Variants in COL11A2 observed in about 807,000 individuals in gnomAD.
COL11A2 encodes collagen alpha-2(XI) chain.
Under a neutral mutation model 273.4 loss-of-function variants are expected in COL11A2, and 116 were observed. That is an observed-to-expected ratio of 0.42 (90% CI 0.36 to 0.49). The LOEUF (loss-of-function observed/expected upper bound fraction) is 0.49, where lower values mean the gene tolerates loss of function less well. Among genes scored for constraint, COL11A2 ranks in the 20% least tolerant of loss-of-function variants. COL11A2 has a pLI of 0.00. For missense variants in COL11A2, 1,866 were observed against 2,309.0 expected, an observed-to-expected ratio of 0.81 and a Z score of 3.93; for synonymous variants, 782 against 864.2, an observed-to-expected ratio of 0.90 and a Z score of 1.67.
intron 12 of COL11A2, 119 bp downstream of exon 12, chr6:33,180,139 G>A (rs1771528373): frequency 1.8e-6 from 2 of 1,089,752 alleles, no homozygotes; most frequent in Non-Finnish European, 2.8e-6. Flanking sequence ...TTGGAGTGAT[G>A]ATCTTTGATG....
Position 33,163,837 on chromosome 6 carries a change from A to G in COL11A2, c.5071-19T>C, listed in dbSNP as rs1768687983. The G allele has an allele frequency of 6.2e-7, 1 of 1,612,700 alleles. No individual in the cohort carries two copies. Among genetic ancestry groups the G allele is most frequent in the Admixed American group, 1.7e-5 (1 of 59,978 alleles). Reference sequence around the variant, plus strand: ...GCTGTGTCTTCAGGGGGAGACAAGGAAGAAAGTGTGAGCAGGATGGAGGCA... The same window carrying G: ...GCTGTGTCTTCAGGGGGAGACAAGGGAGAAAGTGTGAGCAGGATGGAGGCA... On this transcript the variant is annotated intron_variant, in intron 65 of 65. Transcript: ENST00000341947. The surrounding 1 kb of genome is among the most constrained non-coding windows in gnomAD (Gnocchi z 4.1).
chr6:33,179,833 T>C lies in COL11A2; in HGVS notation c.1360-28A>G. On this transcript the variant is annotated intron_variant, in intron 12 of 65. Coordinates refer to ENST00000341947, the MANE Select transcript of COL11A2 (RefSeq NM_080680.3). The surrounding 1 kb of genome is among the most constrained non-coding windows in gnomAD (Gnocchi z 6.4). ...GAGGTCAAGGAGAGAAGGTCCAGGT[T>C]CTCTTCCAAGAAAGCCATGGGACCC... 6.2e-7 allele frequency: 1 copy of C among 1,600,628 alleles called. No individual in the cohort carries two copies.
At chr6:33,186,012 A>G (rs1267782496) in intron 5 of COL11A2, among the ~76,000 whole-genome samples, 1 of 151,896 alleles carries the variant, frequency 6.6e-6, no homozygotes, top group African/African-American at 2.4e-5. Flanking sequence ...AGACATGATT[A>G]AGAGATTGAC....
In COL11A2 at chr6:33,176,578, C is replaced by T. The variant is rs971407093; in HGVS notation, c.2116-92G>A. Reference sequence around the variant, plus strand: ...GGAAGAAATGGAAGTAACAACATTGCTGTCTGGGTAGGGTTACGGGGCACA... The same window carrying T: ...GGAAGAAATGGAAGTAACAACATTGTTGTCTGGGTAGGGTTACGGGGCACA... On this transcript the variant is annotated intron_variant, in intron 26 of 65. Transcript: ENST00000341947. The surrounding 1 kb of genome is among the most constrained non-coding windows in gnomAD (Gnocchi z 4.9). The T allele has an allele frequency of 2.8e-6, 4 of 1,417,952 alleles. No homozygotes were observed. Among genetic ancestry groups the T allele is most frequent in the Non-Finnish European group, 4.0e-6 (4 of 1,008,134 alleles). The allele number at this position is 1,417,952 out of a possible 1,614,324, so 87.8% of individuals were successfully genotyped here.
At chr6:33,184,966 G>T in intron 7 of COL11A2, 26 bp downstream of exon 7, 5 of 1,545,438 alleles carry the variant, frequency 3.2e-6, no homozygotes, top group Non-Finnish European at 4.4e-6. Flanking sequence ...GCCCCCAGAT[G>T]GGGTGAGGGT....
In COL11A2 at chr6:33,171,121, C is replaced by T. The variant is rs772318602; in HGVS notation, c.3359G>A (p.Gly1120Glu). ...GGTGGAGGGGTCACTCACCGCTGCTCCAGGCTGCCCCACAGGACCAATGGG... is the reference window on the plus strand; with the variant it reads ...GGTGGAGGGGTCACTCACCGCTGCTTCAGGCTGCCCCACAGGACCAATGGG... ...PGPIGPVGQP[G>E]AAGADGEPGA... The change falls in exon 45 of 66, where the codon GGA becomes GAA. Residue 1120 changes from glycine to glutamate, a missense_variant. Gly to Glu is a moderately conservative substitution (Grantham distance 98). Transcript: ENST00000341947. 6.3e-7 allele frequency: 1 copy of T among 1,584,248 alleles called. No individual in the cohort carries two copies. The highest frequency in any genetic ancestry group is 1.1e-5 in the South Asian group (1 of 88,406).
At position 33,192,424 on chromosome 6, in the gene COL11A2, G is replaced by A; in HGVS notation, c.-184C>T. 1 of 640,536 alleles carries A rather than the reference G, an allele frequency of 1.6e-6. No homozygotes were observed. The highest frequency in any genetic ancestry group is 2.7e-5 in the East Asian group (1 of 36,590). 39.7% of individuals were successfully genotyped at this position (640,536 alleles called of 1,614,324 possible). ...GCTCCATGCAGCAAGGCGCCGTCGG[G>A]GCTCCCGGCACTGCTCCCTCCTCGG... On this transcript the variant is annotated 5_prime_UTR_variant, in exon 1 of 66. Coordinates refer to ENST00000341947, the MANE Select transcript of COL11A2 (RefSeq NM_080680.3).
rs182657680 is a variant in COL11A2, at chr6:33,178,983, C to T, written c.1612-10G>A. ...CAGCACCTGCCCGGCCCTGGGAGAACAAGGGAAGTGTCAGAACAAGCAGGG... is the reference window on the plus strand; with the variant it reads ...CAGCACCTGCCCGGCCCTGGGAGAATAAGGGAAGTGTCAGAACAAGCAGGG... On this transcript the variant is annotated splice_polypyrimidine_tract_variant and intron_variant, in intron 16 of 65. Transcript: ENST00000341947. The surrounding 1 kb of genome is among the most constrained non-coding windows in gnomAD (Gnocchi z 4.6). 3 of 1,614,048 alleles carry T rather than the reference C, an allele frequency of 1.9e-6. No homozygotes were observed. In the South Asian group the frequency reaches 3.3e-5, roughly 18 times the overall value.
rs559544074 is a variant in COL11A2, at chr6:33,189,641, G to T, written c.83-172C>A. ...ACCTGAATGGATGGGAAATGCAAAGGTACCTGGAGGCAGGGCAGCATCAGC... is the reference window on the plus strand; with the variant it reads ...ACCTGAATGGATGGGAAATGCAAAGTTACCTGGAGGCAGGGCAGCATCAGC... On this transcript the variant is annotated intron_variant, in intron 1 of 65. Coordinates refer to ENST00000341947, the MANE Select transcript of COL11A2 (RefSeq NM_080680.3). This position sits in a 1 kb window ranked among gnomAD's most constrained non-coding sequence, Gnocchi z 5.6. Among the ~76,000 whole-genome samples the T allele has an allele frequency of 2.0e-5, 3 of 152,288 alleles. No homozygotes were observed. Among genetic ancestry groups the T allele is most frequent in the Admixed American group, 2.0e-4 (3 of 15,302 alleles).
Position 33,175,753 on chromosome 6 carries a change from AAC to A in COL11A2, c.2269-74_2269-73del. The A allele has an allele frequency of 2.1e-6, 3 of 1,437,926 alleles. No individual in the cohort carries two copies. In the South Asian group the frequency reaches 3.4e-5, roughly 16 times the overall value. The allele number at this position is 1,437,926 out of a possible 1,614,324, so 89.1% of individuals were successfully genotyped here. A position where few individuals can be genotyped will look rare whatever the true frequency, so the allele number is the denominator to read the frequency against. On this transcript the variant is annotated intron_variant, in intron 29 of 65. Coordinates refer to ENST00000341947, the MANE Select transcript of COL11A2 (RefSeq NM_080680.3). ...CTCTGGGCCCAGAGGAGAAATGGGC[AAC>A]AGTGAGGCTGAGGAGGGCTAGAGGG...
rs1348806807 is a variant in COL11A2, at chr6:33,181,015, C to T, written c.1180-10G>A. ...CCTCCACGAGCATACCCTGTGGAGT[C>T]AAAGGTTAAAAATCAGAGGCGACAG... is the stretch of plus-strand genomic sequence containing the variant. On this transcript the variant is annotated splice_polypyrimidine_tract_variant and intron_variant, in intron 9 of 65. Coordinates refer to ENST00000341947, the MANE Select transcript of COL11A2 (RefSeq NM_080680.3). The T allele has an allele frequency of 6.2e-7, 1 of 1,614,184 alleles. No homozygotes were observed. The highest frequency in any genetic ancestry group is 1.1e-5 in the South Asian group (1 of 91,086).
chr6:33,175,213 C>T (rs2744511), intron 30 of COL11A2, among the ~76,000 whole-genome samples: 119,232 of 152,178 alleles, frequency 0.78, 47,238 homozygotes, highest in East Asian at 0.97. Flanking sequence ...GCACCTGGCA[C>T]AGGGCAAGTG....
intron 29 of COL11A2, 81 bp from the exon 30 acceptor site, chr6:33,175,762 G>C (rs1417196743): frequency 7.3e-7 from 1 of 1,361,760 alleles, no homozygotes; most frequent in African/African-American, 1.4e-5. Flanking sequence ...CAACAGTGAG[G>C]CTGAGGAGGG....
intron 8 of COL11A2, 71 bp from the exon 9 acceptor site, chr6:33,181,241 C>T: frequency 6.8e-7 from 1 of 1,473,728 alleles, no homozygotes; most frequent in East Asian, 2.3e-5. Flanking sequence ...TTCTCCATCT[C>T]AACTCCAACC....
chr6:33,176,350 T>A lies in COL11A2; in HGVS notation c.2170-47A>T. On this transcript the variant is annotated intron_variant, in intron 27 of 65. Coordinates refer to ENST00000341947, the MANE Select transcript of COL11A2 (RefSeq NM_080680.3). This position sits in a 1 kb window ranked among gnomAD's most constrained non-coding sequence, Gnocchi z 4.9. Reference sequence around the variant, plus strand: ...AAGTAGACTGATCAGGGGATGGAGGTGGGTTGGAAGGACCAAGCTCCTAAG... The same window carrying A: ...AAGTAGACTGATCAGGGGATGGAGGAGGGTTGGAAGGACCAAGCTCCTAAG... The A allele has an allele frequency of 6.2e-7, 1 of 1,600,682 alleles. No individual in the cohort carries two copies. The highest frequency in any genetic ancestry group is 8.5e-7 in the Non-Finnish European group (1 of 1,173,278).
chr6:33,174,101 C>CTCTA, intron 32 of COL11A2, 46 bp from the exon 33 acceptor site: 1 of 1,612,726 alleles, frequency 6.2e-7, no homozygotes, highest in Non-Finnish European at 8.5e-7. Context: ...GTGAGACTCC[C>CTCTA]CACAGACCCC....
chr6:33,186,876 T>C, intron 4 of COL11A2, 58 bp from the exon 5 acceptor site: 2 of 1,609,258 alleles, frequency 1.2e-6, no homozygotes, highest in Admixed American at 1.7e-5. Context: ...GAGGGTATCA[T>C]CCGGGAGAAA....
Position 33,163,652 on chromosome 6 carries a change from A to C in COL11A2, c.*26T>G. On this transcript the variant is annotated 3_prime_UTR_variant, in exon 66 of 66. Coordinates refer to ENST00000341947, the MANE Select transcript of COL11A2 (RefSeq NM_080680.3). The surrounding 1 kb of genome is among the most constrained non-coding windows in gnomAD (Gnocchi z 4.1). ...GGATTCCAGGTGGGCCTGGTTCCGA[A>C]TGGACAGGATCAGACAGAGACGGTC... 1.2e-6 allele frequency: 2 copies of C among 1,612,916 alleles called. No individual in the cohort carries two copies. Among genetic ancestry groups the C allele is most frequent in the Non-Finnish European group, 1.7e-6 (2 of 1,179,966 alleles).
rs779187034 is a variant in COL11A2 at position 33,172,585 on chromosome 6, G to A, written c.2843C>T (p.Pro948Leu). The change falls in exon 39 of 66, where the codon CCG (proline) becomes CTG (leucine). Residue 948 changes from proline (P) to leucine (L), a missense_variant. Physicochemically the swap from Pro to Leu is moderately conservative, Grantham distance 98. Transcript: ENST00000341947. ...TAGTCCCTGCTCTCCAGGGGGCCCC[G>A]GGGGGCCTGGGTGACCTCTCTCCCC... is the stretch of plus-strand genomic sequence containing the variant. ...PMGERGHPGPPGPPGEQGLPG... is the reference protein window; with the variant it reads ...PMGERGHPGPLGPPGEQGLPG... 1.7e-5 allele frequency: 28 copies of A among 1,612,150 alleles called. No individual in the cohort carries two copies. The highest frequency in any genetic ancestry group is 3.3e-5 in the South Asian group (3 of 91,022).
Sources: gnomAD v4.1 joint callset for allele counts (sites outside exome capture counted in the v4.1 genomes callset) on GRCh38, gnomAD v4.1.1 for gene constraint, Gnocchi (gnomAD v3.1) non-coding constraint, MANE v1.5 for transcripts, NCBI Gene and HGNC (gene_info 2026-07-23, HGNC 2026-07-21) for gene names.